SEC61A2: variants seen among roughly 807,000 people sequenced by gnomAD.
SEC61A2 encodes protein transport protein Sec61 subunit alpha isoform 2.
In SEC61A2, 28 loss-of-function variants were observed where a neutral mutation model predicts 59.9. That is an observed-to-expected ratio of 0.47 (90% CI 0.35 to 0.64). The LOEUF (loss-of-function observed/expected upper bound fraction) is 0.64, where lower values mean the gene tolerates loss of function less well. SEC61A2 is among the 30% of genes least tolerant of loss of function. SEC61A2 has a pLI of 0.01. For missense variants in SEC61A2, 340 were observed against 585.9 expected (o/e 0.58, Z 4.33); for synonymous variants, 202 against 214.4 (o/e 0.94, Z 0.50).
In SEC61A2 at chr10:12,157,106, A is replaced by G. The variant is rs750219896; in HGVS notation, c.777+39A>G. ...TTTCACCAAAGTAAGTGGGATGTAG[A>G]TTTTTATTTTGCTCTTAAAGAGAAT... On this transcript the variant is annotated intron_variant, in intron 8 of 11. Transcript: ENST00000298428. The G allele has an allele frequency of 5.7e-6, 9 of 1,582,926 alleles. No individual in the cohort carries two copies. The East Asian group carries it at 9.0e-5, about 16-fold the overall frequency.
rs1284456557 is a variant in SEC61A2 at position 12,153,410 on chromosome 10, C to T, written c.463-2368C>T. Among the ~76,000 whole-genome samples the T allele has an allele frequency of 6.6e-6, 1 of 152,174 alleles. No homozygotes were observed. Among genetic ancestry groups the T allele is most frequent in the Non-Finnish European group, 1.5e-5 (1 of 68,034 alleles). ...TCAAGAAAAGCTCTCTAGTATCTTA[C>T]TTAAGGATCTATTCAGATTCCTAAG... On this transcript the variant is annotated intron_variant, in intron 6 of 11. Coordinates refer to ENST00000298428, the MANE Select transcript of SEC61A2 (RefSeq NM_018144.4). The surrounding 1 kb of genome is among the most constrained non-coding windows in gnomAD (Gnocchi z 5.2).
At chr10:12,147,538 A>C (rs1260536647) in intron 4 of SEC61A2, among the ~76,000 whole-genome samples, 1 of 152,154 alleles carries the variant, frequency 6.6e-6, no homozygotes, top group Admixed American at 6.5e-5. Flanking sequence ...TACAGAAATT[A>C]GCTGGGCATG....
In SEC61A2 at chr10:12,155,639, G is replaced by C. The variant is rs1315608845; in HGVS notation, c.463-139G>C. On this transcript the variant is annotated intron_variant, in intron 6 of 11. Transcript: ENST00000298428. The surrounding 1 kb of genome is among the most constrained non-coding windows in gnomAD (Gnocchi z 4.3). ...AAATGAAAGCAGGCCAAAAGATGCA[G>C]TTGGTCATCACAGTGAGATTGCAAC... 13 of 975,580 alleles carry C rather than the reference G, an allele frequency of 1.3e-5. No homozygotes were observed. Among genetic ancestry groups the C allele is most frequent in the Admixed American group, 8.3e-5 (4 of 48,010 alleles). The allele number at this position is 975,580 out of a possible 1,614,324, so 60.4% of individuals were successfully genotyped here. A position where few individuals can be genotyped will look rare whatever the true frequency, so the allele number is the denominator to read the frequency against.
At chr10:12,136,240 A>G in intron 3 of SEC61A2, 70 bp downstream of exon 3, 3 of 992,964 alleles carry the variant, frequency 3.0e-6, no homozygotes, top group Admixed American at 1.9e-5. Context: ...AGAATTTGAG[A>G]ATTTTTTTTG....
rs1425093834 is a variant in SEC61A2, at chr10:12,153,762, G to A, written c.463-2016G>A. ...GGCGTTACTAACATTGAAAATATGT[G>A]GATACACTGAAGAGCTATGATTGGA... is the stretch of plus-strand genomic sequence containing the variant. On this transcript the variant is annotated intron_variant, in intron 6 of 11. Coordinates refer to ENST00000298428, the MANE Select transcript of SEC61A2 (RefSeq NM_018144.4). This position sits in a 1 kb window ranked among gnomAD's most constrained non-coding sequence, Gnocchi z 5.2. 6.2e-7 allele frequency: 1 copy of A among 1,610,508 alleles called. No homozygotes were observed. The highest frequency in any genetic ancestry group is 8.5e-7 in the Non-Finnish European group (1 of 1,179,146).
chr10:12,157,349 T>C (rs1834422041), intron 8 of SEC61A2, among the ~76,000 whole-genome samples: 1 of 152,078 alleles, frequency 6.6e-6, no homozygotes, highest in Admixed American at 6.6e-5. Context: ...TCTTTTTTTT[T>C]CCTGAGACGG....
chr10:12,169,182 C>G (rs983884368), downstream of SEC61A2: 5 of 910,110 alleles, frequency 5.5e-6, no homozygotes, highest in African/African-American at 1.7e-5. The surrounding 1 kb of genome is among the most constrained non-coding windows in gnomAD (Gnocchi z 4.8). Context: ...GTTCTTTTAC[C>G]CCTCCTCCTT....
chr10:12,140,590 C>T (rs1055490535), intron 3 of SEC61A2, among the ~76,000 whole-genome samples: 3 of 152,122 alleles, frequency 2.0e-5, no homozygotes, highest in Non-Finnish European at 2.9e-5. Context: ...GCGGAGTGGC[C>T]GCTCTCCACT....
rs1833689202 is a variant in SEC61A2 at position 12,129,894 on chromosome 10, A to C, written c.7+100A>C. ...GCGCTCGCTCGGAGTCGTGGGGGCC[A>C]GGGATGCGCGGGCCGCTCCGGGCCT... On this transcript the variant is annotated intron_variant, in intron 1 of 11. Coordinates refer to ENST00000298428, the MANE Select transcript of SEC61A2 (RefSeq NM_018144.4). This position sits in a 1 kb window ranked among gnomAD's most constrained non-coding sequence, Gnocchi z 5.6. 1 of 1,100,020 alleles carries C rather than the reference A, an allele frequency of 9.1e-7. No individual in the cohort carries two copies. The allele number at this position is 1,100,020 out of a possible 1,614,324, so 68.1% of individuals were successfully genotyped here. A position where few individuals can be genotyped will look rare whatever the true frequency, so the allele number is the denominator to read the frequency against.
chr10:12,135,958 A>G, intron 2 of SEC61A2, 147 bp from the exon 3 acceptor site: 1 of 625,944 alleles, frequency 1.6e-6, no homozygotes, highest in South Asian at 2.0e-5. Flanking sequence ...GTACCTAATA[A>G]ACAAAAATGC....
chr10:12,136,754 C>T (rs938043196), intron 3 of SEC61A2, among the ~76,000 whole-genome samples: 1 of 152,144 alleles, frequency 6.6e-6, no homozygotes, highest in East Asian at 1.9e-4. Flanking sequence ...CTCAGCCTCC[C>T]GAGTAGCTGG....
At position 12,162,590 on chromosome 10, in the gene SEC61A2, T is replaced by C; in HGVS notation, c.1244+301T>C. ...CTTTTAAAAAGGATTTCCCAGGAAC[T>C]GTGGCTTATTTGGTCTGGGGTGAGT... On this transcript the variant is annotated intron_variant, in intron 11 of 11. Transcript: ENST00000298428. The surrounding 1 kb of genome is among the most constrained non-coding windows in gnomAD (Gnocchi z 6.1). 2.1e-6 allele frequency: 1 copy of C among 482,108 alleles called. No individual in the cohort carries two copies. Among genetic ancestry groups the C allele is most frequent in the Non-Finnish European group, 3.9e-6 (1 of 258,162 alleles). The allele number at this position is 482,108 out of a possible 1,614,324, so 29.9% of individuals were successfully genotyped here.
Position 12,153,711 on chromosome 10 carries a change from G to T in SEC61A2, c.463-2067G>T. On this transcript the variant is annotated intron_variant, in intron 6 of 11. Transcript: ENST00000298428. The surrounding 1 kb of genome is among the most constrained non-coding windows in gnomAD (Gnocchi z 5.2). Reference sequence around the variant, plus strand: ...GGGTGTCATGTTTGATTGTAGGTGGGCAGTGACCCATTGGTGTCTTTTCAA... The same window carrying T: ...GGGTGTCATGTTTGATTGTAGGTGGTCAGTGACCCATTGGTGTCTTTTCAA... 6.2e-7 allele frequency: 1 copy of T among 1,608,428 alleles called. No homozygotes were observed. Among genetic ancestry groups the T allele is most frequent in the Non-Finnish European group, 8.5e-7 (1 of 1,178,208 alleles).
intron 3 of SEC61A2, among the ~76,000 whole-genome samples, chr10:12,140,811 A>G (rs1255397349): frequency 6.6e-6 from 1 of 151,998 alleles, no homozygotes; most frequent in Non-Finnish European, 1.5e-5. Context: ...TGTGTTAATC[A>G]GGATGATCTC....
In SEC61A2 at chr10:12,164,452, T is replaced by C; in HGVS notation, c.1429T>C (p.Ter477GlnextTer10). 1 of 1,609,290 alleles carries C rather than the reference T, an allele frequency of 6.2e-7. No individual in the cohort carries two copies. The highest frequency in any genetic ancestry group is 8.5e-7 in the Non-Finnish European group (1 of 1,177,876). ...TGGTGGGATGGGTGCTTTGTTTTTC[T>C]AAATGTTCAAATATTTCATTTTGTG... is the stretch of plus-strand genomic sequence containing the variant. ...EVGGMGALFF[*>Q] The change falls in exon 12 of 12, where the codon TAA becomes CAA. Residue 477 changes from the stop codon to glutamine, a stop_lost. Transcript: ENST00000298428. This position sits in a 1 kb window ranked among gnomAD's most constrained non-coding sequence, Gnocchi z 7.3.
At position 12,160,927 on chromosome 10, in the gene SEC61A2, T is replaced by C. The variant is rs370022652; in HGVS notation, c.976-3T>C. 1.2e-6 allele frequency: 2 copies of C among 1,611,212 alleles called. No individual in the cohort carries two copies. The highest frequency in any genetic ancestry group is 1.3e-5 in the African/African-American group (1 of 74,734). ...ACTTGTTCTTTGTACTCCTGTTCTG[T>C]AGGATGTCAGTGGGGGAGGACCCGC... On this transcript the variant is annotated splice_polypyrimidine_tract_variant and splice_region_variant and intron_variant, in intron 9 of 11. Transcript: ENST00000298428. This position sits in a 1 kb window ranked among gnomAD's most constrained non-coding sequence, Gnocchi z 4.1.
intron 9 of SEC61A2, among the ~76,000 whole-genome samples, chr10:12,159,774 A>G (rs1283323335): frequency 2.6e-5 from 4 of 152,214 alleles, no homozygotes; most frequent in Non-Finnish European, 5.9e-5. Flanking sequence ...ACCAAAGAAT[A>G]GTATTTTTCT....
At position 12,164,274 on chromosome 10, in the gene SEC61A2, C is replaced by A; in HGVS notation, c.1251C>A (p.Ile417=). The change falls in exon 12 of 12, where the codon ATC becomes ATA. Residue 417 remains isoleucine, a synonymous_variant. Transcript: ENST00000298428. This position sits in a 1 kb window ranked among gnomAD's most constrained non-coding sequence, Gnocchi z 7.3. ...TTGGGGTTCTGTCTCCTAGGTACAT[C>A]CCCACCGCAGCTGCGTTTGGCGGTT... is the stretch of plus-strand genomic sequence containing the variant. The part of the protein sequence containing the change: ...TSMVHELNRY[I]PTAAAFGGLC... 6.2e-7 allele frequency: 1 copy of A among 1,612,864 alleles called. No homozygotes were observed. The highest frequency in any genetic ancestry group is 1.3e-5 in the African/African-American group (1 of 75,002).
chr10:12,167,877 C>A, downstream of SEC61A2: 2 of 1,601,286 alleles, frequency 1.2e-6, no homozygotes, highest in South Asian at 1.1e-5. Context: ...CTTATTCAAT[C>A]AGTGTTTGCG....
Sources: allele counts gnomAD v4.1 joint callset (sites outside exome capture counted in the v4.1 genomes callset), GRCh38; gene constraint gnomAD v4.1.1; non-coding constraint Gnocchi (gnomAD v3.1); transcripts MANE v1.5; gene names NCBI Gene and HGNC (gene_info 2026-07-23, HGNC 2026-07-21).